SMIM13: variants seen among roughly 807,000 people sequenced by gnomAD.
SMIM13 encodes the protein small integral membrane protein 13, also known as UPF0766 protein C6orf228.
In SMIM13, 3 loss-of-function variants were observed where a neutral mutation model predicts 5.9. That is an observed-to-expected ratio of 0.51 (90% CI 0.23 to 1.31). The LOEUF (loss-of-function observed/expected upper bound fraction) is 1.31. SMIM13 is among the 40% of genes most tolerant of loss of function. The probability of loss-of-function intolerance (pLI) is 0.18; values close to 1 mark genes in which losing one functional copy is unlikely to be tolerated. For missense variants in SMIM13, 85 were observed against 109.9 expected (o/e 0.77, Z 1.01); for synonymous variants, 55 against 46.0 (o/e 1.19, Z -0.79).
rs1449321756 is a variant in SMIM13 at position 11,135,483 on chromosome 6, A to C, written c.*881A>C. 6.6e-6 allele frequency: 1 copy of C among 152,640 alleles called. No homozygotes were observed. The highest frequency in any genetic ancestry group is 1.5e-5 in the Non-Finnish European group (1 of 68,038). The allele number at this position is 152,640 out of a possible 1,614,324, so 9.5% of individuals were successfully genotyped here. ...GCTGGTGTGACCGATTCATGCGTCG[A>C]GCAGGACTATCATTAAGGCATCAAA... On this transcript the variant is annotated 3_prime_UTR_variant, in exon 2 of 2. Coordinates refer to ENST00000416247, the MANE Select transcript of SMIM13 (RefSeq NM_001135575.2).
At chr6:11,123,367 A>G (rs1166565325) in intron 1 of SMIM13, among the ~76,000 whole-genome samples, 2 of 152,194 alleles carry the variant, frequency 1.3e-5, no homozygotes, top group Non-Finnish European at 2.9e-5. Context: ...AGCTTTTAGT[A>G]AATTCCCCTT....
intron 1 of SMIM13, among the ~76,000 whole-genome samples, chr6:11,115,706 C>T (rs1172829883): frequency 7.2e-6 from 1 of 138,810 alleles, no homozygotes; most frequent in Admixed American, 7.6e-5. Flanking sequence ...TTTTTTGAGA[C>T]AGAGTTTCAC....
intron 1 of SMIM13, among the ~76,000 whole-genome samples, chr6:11,123,275 T>C (rs745796466): frequency 6.6e-6 from 1 of 152,144 alleles, no homozygotes; most frequent in African/African-American, 2.4e-5. Flanking sequence ...GCTGAGCAAA[T>C]GACCTCAGTT....
At position 11,134,659 on chromosome 6, in the gene SMIM13, C is replaced by T. The variant is rs536613850; in HGVS notation, c.*57C>T. On this transcript the variant is annotated 3_prime_UTR_variant, in exon 2 of 2. Coordinates refer to ENST00000416247, the MANE Select transcript of SMIM13 (RefSeq NM_001135575.2). ...GCCAGCTTCTGTCTTTTACTGACTT[C>T]GCTTTGAAATTTACTAATGACTGAA... is the stretch of plus-strand genomic sequence containing the variant. 21 of 1,269,560 alleles carry T rather than the reference C, an allele frequency of 1.7e-5. No individual in the cohort carries two copies. The highest frequency in any genetic ancestry group is 1.4e-4 in the Admixed American group (4 of 28,886). 78.6% of individuals were successfully genotyped at this position (1,269,560 alleles called of 1,614,324 possible). A position where few individuals can be genotyped will look rare whatever the true frequency, so the allele number is the denominator to read the frequency against.
chr6:11,117,100 C>G (rs1198874873), intron 1 of SMIM13, among the ~76,000 whole-genome samples: 1 of 141,814 alleles, frequency 7.1e-6, no homozygotes, highest in Non-Finnish European at 1.5e-5. Flanking sequence ...AACTGATTCT[C>G]CTGCCTCAGC....
intron 1 of SMIM13, chr6:11,104,087 A>G: frequency 6.4e-7 from 1 of 1,551,738 alleles, no homozygotes; most frequent in Non-Finnish European, 8.7e-7. Context: ...CGGCTGCTAA[A>G]GAGTCGATTT....
chr6:11,113,778 T>C (rs1758200215), intron 1 of SMIM13, among the ~76,000 whole-genome samples: 1 of 152,104 alleles, frequency 6.6e-6, no homozygotes, highest in Admixed American at 6.6e-5. Flanking sequence ...GGTTTCACCA[T>C]GTTGGCCAGG....
At chr6:11,107,871 A>G (rs1245702996) in intron 1 of SMIM13, among the ~76,000 whole-genome samples, 1 of 152,226 alleles carries the variant, frequency 6.6e-6, no homozygotes, top group Non-Finnish European at 1.5e-5. Flanking sequence ...CCAGCTGAAG[A>G]GGAAACTGCC....
intron 1 of SMIM13, chr6:11,104,543 G>A: frequency 6.3e-7 from 1 of 1,588,226 alleles, no homozygotes; most frequent in Non-Finnish European, 8.6e-7. Flanking sequence ...TGCCTGCTAA[G>A]ACTTGGACGC....
intron 1 of SMIM13, among the ~76,000 whole-genome samples, chr6:11,105,970 G>A (rs940209647): frequency 6.6e-6 from 1 of 152,184 alleles, no homozygotes; most frequent in Non-Finnish European, 1.5e-5. Flanking sequence ...AAGCTAAGAG[G>A]TACACCCATG....
At chr6:11,123,405 T>A (rs1053752950) in intron 1 of SMIM13, among the ~76,000 whole-genome samples, 1 of 152,228 alleles carries the variant, frequency 6.6e-6, no homozygotes, top group Non-Finnish European at 1.5e-5. Context: ...TCTTTGGAAT[T>A]TTCTAACTTG....
At chr6:11,128,861 C>G (rs1339449324) in intron 1 of SMIM13, among the ~76,000 whole-genome samples, 1 of 152,082 alleles carries the variant, frequency 6.6e-6, no homozygotes, top group Admixed American at 6.5e-5. Flanking sequence ...GTCCCTCCCC[C>G]AGGCATACAG....
intron 1 of SMIM13, among the ~76,000 whole-genome samples, chr6:11,130,389 A>G (rs1011458849): frequency 1.3e-5 from 2 of 152,134 alleles, no homozygotes; most frequent in African/African-American, 4.8e-5. Flanking sequence ...TGTAACTACT[A>G]CATGTTTTCC....
intron 1 of SMIM13, among the ~76,000 whole-genome samples, chr6:11,097,303 C>T (rs868702300): frequency 5.3e-5 from 8 of 152,150 alleles, no homozygotes; most frequent in Admixed American, 2.6e-4. Flanking sequence ...GGACATCAGT[C>T]GCTGGATTAT....
At chr6:11,096,398 GTGTGCTAGGGCTGGAGAGCCC>G (rs1296385746) in intron 1 of SMIM13, among the ~76,000 whole-genome samples, 1 of 152,238 alleles carries the variant, frequency 6.6e-6, no homozygotes, top group Non-Finnish European at 1.5e-5. Context: ...GGAGGGATCT[GTGTGCTAGGGCTGGAGAGCCC>G]TGTGCTAGGA....
At chr6:11,103,711 G>GA in intron 1 of SMIM13, 1 of 1,551,172 alleles carries the variant, frequency 6.4e-7, no homozygotes, top group Non-Finnish European at 8.7e-7. Context: ...GGTGACTCTT[G>GA]AATATTGCGA....
intron 1 of SMIM13, chr6:11,104,167 T>G (rs1313647256): frequency 3.2e-6 from 5 of 1,551,408 alleles, no homozygotes; most frequent in Non-Finnish European, 4.4e-6. Context: ...GAGAGCTGGC[T>G]ATAGGTGAGG....
In SMIM13 at chr6:11,093,986, G is replaced by A. The variant is rs1757886527; in HGVS notation, c.-328G>A. 6.6e-6 allele frequency: 1 copy of A among 152,402 alleles called. No homozygotes were observed. The highest frequency in any genetic ancestry group is 2.1e-4 in the South Asian group (1 of 4,840). 9.4% of individuals were successfully genotyped at this position (152,402 alleles called of 1,614,324 possible). A position where few individuals can be genotyped will look rare whatever the true frequency, so the allele number is the denominator to read the frequency against. Reference sequence around the variant, plus strand: ...CCTACAGGCGCGCGGCGTCCGCCATGGAAGCGCATCCGACCGCTGGGGTCT... The same window carrying A: ...CCTACAGGCGCGCGGCGTCCGCCATAGAAGCGCATCCGACCGCTGGGGTCT... On this transcript the variant is annotated 5_prime_UTR_variant, in exon 1 of 2. It removes an upstream start codon present in the reference 5' UTR. Transcript: ENST00000416247.
At position 11,135,394 on chromosome 6, in the gene SMIM13, T is replaced by C. The variant is rs956268323; in HGVS notation, c.*792T>C. On this transcript the variant is annotated 3_prime_UTR_variant, in exon 2 of 2. Transcript: ENST00000416247. ...GCCTATCACACGCCAAGCAATGCAATTGAAGGCAGGAGAAGTTGCCAAAAC... is the reference window on the plus strand; with the variant it reads ...GCCTATCACACGCCAAGCAATGCAACTGAAGGCAGGAGAAGTTGCCAAAAC... The C allele has an allele frequency of 2.0e-5, 3 of 152,556 alleles. No homozygotes were observed. The highest frequency in any genetic ancestry group is 7.2e-5 in the African/African-American group (3 of 41,420). The allele number at this position is 152,556 out of a possible 1,614,324, so 9.5% of individuals were successfully genotyped here. A position where few individuals can be genotyped will look rare whatever the true frequency, so the allele number is the denominator to read the frequency against.
Sources: allele counts gnomAD v4.1 joint callset (sites outside exome capture counted in the v4.1 genomes callset), GRCh38; gene constraint gnomAD v4.1.1; transcripts MANE v1.5; gene names NCBI Gene and HGNC (gene_info 2026-07-23, HGNC 2026-07-21).